TMCO1: variants seen among roughly 807,000 people sequenced by gnomAD.
The protein encoded by TMCO1 is calcium load-activated calcium channel.
TMCO1 carries 29 observed loss-of-function variants against 29.3 expected under a neutral mutation model. The ratio of observed to expected loss-of-function variants is 0.99; its 90% CI spans 0.74 to 1.35. The LOEUF is 1.35. Among genes scored for constraint, TMCO1 ranks in the 40% most tolerant of loss-of-function variants. The probability of loss-of-function intolerance (pLI) is 0.00; values close to 1 mark genes in which losing one functional copy is unlikely to be tolerated. For missense variants in TMCO1, 173 were observed against 225.5 expected (o/e 0.77, Z 1.49); for synonymous variants, 80 against 77.1 (o/e 1.04, Z -0.20).
chr1:165,747,311 G>T (rs76514773), intron 5 of TMCO1, among the ~76,000 whole-genome samples: 1,937 of 143,782 alleles, frequency 0.013, 53 homozygotes, highest in African/African-American at 0.047. Context: ...GCTACTTATA[G>T]ACAGTAGTAG....
chr1:165,726,459 A>G, downstream of TMCO1: 1 of 562,660 alleles, frequency 1.8e-6, no homozygotes, highest in South Asian at 1.5e-5. Flanking sequence ...AGGCTGTAAT[A>G]TAGAGCTTGA....
chr1:165,732,404 A>AG (rs1651197381), intron 6 of TMCO1, among the ~76,000 whole-genome samples: 1 of 150,500 alleles, frequency 6.6e-6, no homozygotes, highest in South Asian at 2.1e-4. Flanking sequence ...AAAAAAAAAA[A>AG]AGGAATAAAA....
intron 4 of TMCO1, among the ~76,000 whole-genome samples, chr1:165,753,472 C>CAAAA (rs35980344): frequency 2.7e-4 from 13 of 47,738 alleles, no homozygotes; most frequent in East Asian, 1.4e-3. Flanking sequence ...GACTCTGTCT[C>CAAAA]AAAAAAAAAA....
intron 6 of TMCO1, among the ~76,000 whole-genome samples, chr1:165,737,573 C>T (rs1651438449): frequency 6.6e-6 from 1 of 152,048 alleles, no homozygotes; most frequent in African/African-American, 2.4e-5. Flanking sequence ...TTTCTGAGAA[C>T]CAATCTCAAA....
chr1:165,739,394 TAA>T (rs1651503463), intron 6 of TMCO1, among the ~76,000 whole-genome samples: 1 of 30,772 alleles, frequency 3.2e-5, no homozygotes, highest in African/African-American at 1.6e-4. Flanking sequence ...ACTTCCTAAA[TAA>T]TTTTTTTTTG....
intron 3 of TMCO1, among the ~76,000 whole-genome samples, chr1:165,757,432 G>T (rs1474788152): frequency 6.6e-6 from 1 of 152,178 alleles, no homozygotes; most frequent in Non-Finnish European, 1.5e-5. Flanking sequence ...CATCTTTCAA[G>T]CAATTCTTCA....
chr1:165,725,764 T>C (rs1252007034), downstream of TMCO1: 1 of 455,384 alleles, frequency 2.2e-6, no homozygotes, highest in East Asian at 6.9e-5. Context: ...TAGCCCTTAA[T>C]AACTCCTTGA....
intron 2 of TMCO1, among the ~76,000 whole-genome samples, chr1:165,761,657 T>C (rs1167603026): frequency 6.6e-6 from 1 of 151,918 alleles, no homozygotes; most frequent in African/African-American, 2.4e-5. Context: ...GTTATAAAAA[T>C]AACATTTTAT....
chr1:165,728,016 C>G lies in TMCO1; in HGVS notation c.*7G>C. On this transcript the variant is annotated 3_prime_UTR_variant, in exon 7 of 7. Transcript: ENST00000367881. ...AAAGAATGATAGAAAATAAAGAGTTCTTGAGTTCAAGAGAACTTCCCAGAA... is the reference window on the plus strand; with the variant it reads ...AAAGAATGATAGAAAATAAAGAGTTGTTGAGTTCAAGAGAACTTCCCAGAA... The G allele has an allele frequency of 6.3e-7, 1 of 1,597,580 alleles. No individual in the cohort carries two copies. The highest frequency in any genetic ancestry group is 8.6e-7 in the Non-Finnish European group (1 of 1,168,276).
At chr1:165,729,535 G>A (rs1264553000) in intron 6 of TMCO1, among the ~76,000 whole-genome samples, 1 of 151,818 alleles carries the variant, frequency 6.6e-6, no homozygotes, top group Non-Finnish European at 1.5e-5. Flanking sequence ...GGCCAGGCTG[G>A]TCTTGAACTC....
chr1:165,736,731 A>C (rs59410292), intron 6 of TMCO1, among the ~76,000 whole-genome samples: 1 of 81,066 alleles, frequency 1.2e-5, no homozygotes, highest in Non-Finnish European at 2.8e-5. Flanking sequence ...AAAAAAAAAA[A>C]AAACAAAAAA....
intron 5 of TMCO1, among the ~76,000 whole-genome samples, chr1:165,746,829 G>C (rs543831751): frequency 6.6e-6 from 1 of 152,116 alleles, no homozygotes; most frequent in Non-Finnish European, 1.5e-5. Flanking sequence ...GAAAGGAAGG[G>C]ATGGAGGGAA....
At chr1:165,766,719 G>A (rs1232026046) in intron 2 of TMCO1, among the ~76,000 whole-genome samples, 1 of 151,978 alleles carries the variant, frequency 6.6e-6, no homozygotes, top group Non-Finnish European at 1.5e-5. Context: ...GGTCCAGGCT[G>A]CAATGAGCTC....
chr1:165,758,238 T>C (rs987403935), intron 3 of TMCO1, among the ~76,000 whole-genome samples: 3 of 152,138 alleles, frequency 2.0e-5, no homozygotes, highest in Non-Finnish European at 4.4e-5. Flanking sequence ...ACTTTACTTC[T>C]TCTGTTGTTC....
chr1:165,758,223 T>G lies in TMCO1; in HGVS notation c.208+1302A>C, dbSNP rs1445275435. On this transcript the variant is annotated intron_variant, in intron 3 of 6. Coordinates refer to ENST00000367881, the MANE Select transcript of TMCO1 (RefSeq NM_019026.6). The stretch of plus-strand genomic sequence containing the variant: ...TTCCAACTTATCTGGCAATACTTTT[T>G]CAGAACTTTACTTCTTCTGTTGTTC... Among the ~76,000 whole-genome samples, 3 of 152,180 alleles carry G rather than the reference T, an allele frequency of 2.0e-5. No homozygotes were observed. The East Asian group carries it at 5.8e-4, about 29-fold the overall frequency.
intron 2 of TMCO1, among the ~76,000 whole-genome samples, chr1:165,760,893 CA>C (rs1400769606): frequency 1.3e-5 from 2 of 152,068 alleles, no homozygotes; most frequent in Non-Finnish European, 2.9e-5. Context: ...AGGGATATGT[CA>C]AAAATTACCT....
intron 6 of TMCO1, among the ~76,000 whole-genome samples, chr1:165,740,997 C>A (rs1394233895): frequency 1.3e-5 from 2 of 152,172 alleles, no homozygotes; most frequent in Admixed American, 1.3e-4. Flanking sequence ...ATTACAGAGA[C>A]CATTTCAAAA....
chr1:165,728,999 G>C (rs1296110133), intron 6 of TMCO1, among the ~76,000 whole-genome samples: 3 of 151,458 alleles, frequency 2.0e-5, no homozygotes, highest in Non-Finnish European at 4.4e-5. Flanking sequence ...CTAGCTACTC[G>C]GGAGGGTGAG....
chr1:165,725,827 G>C (rs973667649), downstream of TMCO1: 25 of 475,330 alleles, frequency 5.3e-5, no homozygotes, highest in African/African-American at 4.1e-4. Context: ...TTGTTATTGT[G>C]CTTTTAAGAA....
Sources: allele counts gnomAD v4.1 joint callset (sites outside exome capture counted in the v4.1 genomes callset), GRCh38; gene constraint gnomAD v4.1.1; transcripts MANE v1.5; gene names NCBI Gene and HGNC (gene_info 2026-07-23, HGNC 2026-07-21).